Variants in PGAM1 observed in about 807,000 individuals in gnomAD.
PGAM1 encodes the protein BPG-dependent PGAM 1.
In PGAM1, 21 loss-of-function variants were observed where a neutral mutation model predicts 23.5. The ratio of observed to expected loss-of-function variants is 0.89; its 90% CI spans 0.63 to 1.29. The LOEUF is 1.29. PGAM1 is among the 50% of genes most tolerant of loss of function. PGAM1 has a pLI of 0.00. For missense variants in PGAM1, 232 were observed against 336.3 expected (o/e 0.69, Z 2.42); for synonymous variants, 109 against 128.6 (o/e 0.85, Z 1.03).
At chr10:97,427,502 G>A in intron 1 of PGAM1, 5 of 1,026,340 alleles carry the variant, frequency 4.9e-6, no homozygotes, top group Non-Finnish European at 5.9e-6. Context: ...TTGGAAAGAT[G>A]ACTTGTCCAA....
At position 97,432,535 on chromosome 10, in the gene PGAM1, G is replaced by A. The variant is rs1447947186; in HGVS notation, c.*11G>A. 3 of 1,553,888 alleles carry A rather than the reference G, an allele frequency of 1.9e-6. No homozygotes were observed. Among genetic ancestry groups the A allele is most frequent in the Non-Finnish European group, 2.7e-6 (3 of 1,130,278 alleles). On this transcript the variant is annotated 3_prime_UTR_variant, in exon 4 of 4. Transcript: ENST00000334828. ...AAGGCCAAGAAGTGAAGGCCGGCGG[G>A]GAGGATACTGTCCCCAGGAGCACCC...
intron 1 of PGAM1, among the ~76,000 whole-genome samples, chr10:97,429,729 T>C (rs1479825132): frequency 6.6e-6 from 1 of 152,142 alleles, no homozygotes. Flanking sequence ...TAAAATTTCA[T>C]ACAACAAACT....
At chr10:97,429,092 C>CCTTTTT (rs1491389285) in intron 1 of PGAM1, among the ~76,000 whole-genome samples, 3 of 84,754 alleles carry the variant, frequency 3.5e-5, no homozygotes, top group African/African-American at 1.7e-4. Context: ...AGACTGATTC[C>CCTTTTT]TTTTTTTTTT....
At position 97,433,305 on chromosome 10, in the gene PGAM1, G is replaced by GTCCAAGTGTATC. The variant is rs1358004719; in HGVS notation, c.*783_*794dup. ...TGGCAGTGAAATGCCTCTTGGTCCT[G>GTCCAAGTGTATC]TCCAAGTGTATCTTTCACTGATTTC... On this transcript the variant is annotated 3_prime_UTR_variant, in exon 4 of 4. Transcript: ENST00000334828. The GTCCAAGTGTATC allele has an allele frequency of 6.6e-6, 1 of 151,450 alleles. No individual in the cohort carries two copies. The highest frequency in any genetic ancestry group is 1.5e-5 in the Non-Finnish European group (1 of 67,822). The allele number at this position is 151,450 out of a possible 1,614,324, so 9.4% of individuals were successfully genotyped here. A position where few individuals can be genotyped will look rare whatever the true frequency, so the allele number is the denominator to read the frequency against.
intron 3 of PGAM1, among the ~76,000 whole-genome samples, chr10:97,431,713 T>G (rs1212757761): frequency 6.6e-6 from 1 of 152,066 alleles, no homozygotes; most frequent in Non-Finnish European, 1.5e-5. Context: ...AAGCAAGACC[T>G]TGTCTGTACA....
At chr10:97,429,394 G>A (rs759093889) in intron 1 of PGAM1, among the ~76,000 whole-genome samples, 21 of 152,114 alleles carry the variant, frequency 1.4e-4, no homozygotes, top group Admixed American at 7.9e-4. Flanking sequence ...GTGAGCCACC[G>A]TGCCGGGCCA....
At position 97,426,414 on chromosome 10, in the gene PGAM1, A is replaced by G; in HGVS notation, c.107A>G (p.Glu36Gly). ...GCCGACCTGAGCCCGGCGGGCCACG[A>G]GGAGGCGAAGCGCGGCGGGCAGGCG... is the stretch of plus-strand genomic sequence containing the variant. ...YDADLSPAGH[E>G]EAKRGGQALR... The change falls in exon 1 of 4, where the codon GAG (glutamate) becomes GGG (glycine). Residue 36 changes from glutamate to glycine, a missense_variant. Around this residue, in one of 3 missense-constraint regions of PGAM1, gnomAD observed 38 missense variants for 77.1 expected, o/e 0.49. Coordinates refer to ENST00000334828, the MANE Select transcript of PGAM1 (RefSeq NM_002629.4). 6.2e-7 allele frequency: 1 copy of G among 1,604,130 alleles called. No homozygotes were observed. Among genetic ancestry groups the G allele is most frequent in the Non-Finnish European group, 8.5e-7 (1 of 1,176,412 alleles).
chr10:97,430,043 C>CAAAAAAAAAAAAAA (rs71814636), intron 1 of PGAM1, among the ~76,000 whole-genome samples: 2 of 69,788 alleles, frequency 2.9e-5, no homozygotes, highest in Admixed American at 2.9e-4. Flanking sequence ...GACTCCGTCT[C>CAAAAAAAAAAAAAA]AAAAAAAAAA....
intron 1 of PGAM1, 108 bp downstream of exon 1, chr10:97,426,554 C>T (rs1378580428): frequency 7.4e-7 from 1 of 1,350,784 alleles, no homozygotes; most frequent in South Asian, 1.5e-5. Context: ...TGGGCAGCAT[C>T]TCTCTTAACA....
Position 97,430,503 on chromosome 10 carries a change from T to G in PGAM1, c.264T>G (p.Asn88Lys). The G allele has an allele frequency of 6.2e-7, 1 of 1,601,598 alleles. No individual in the cohort carries two copies. The highest frequency in any genetic ancestry group is 1.1e-5 in the South Asian group (1 of 91,016). ...WLPVVRTWRL[N>K]ERHYGGLTGL... Reference sequence around the variant, plus strand: ...CAGTGGTGAGGACTTGGCGCCTCAATGAGCGGCACTATGGGGGTCTAACCG... The same window carrying G: ...CAGTGGTGAGGACTTGGCGCCTCAAGGAGCGGCACTATGGGGGTCTAACCG... Residue 88 changes from asparagine (N) to lysine (K), a missense_variant, in exon 2 of 4, where the codon AAT (asparagine) becomes AAG (lysine). Coordinates refer to ENST00000334828, the MANE Select transcript of PGAM1 (RefSeq NM_002629.4).
In PGAM1 at chr10:97,426,224, G is replaced by C. The variant is rs1371965929; in HGVS notation, c.-84G>C. The C allele has an allele frequency of 2.4e-5, 38 of 1,597,608 alleles. No homozygotes were observed. The Middle Eastern group carries it at 6.7e-4, about 28-fold the overall frequency. On this transcript the variant is annotated 5_prime_UTR_variant, in exon 1 of 4. Coordinates refer to ENST00000334828, the MANE Select transcript of PGAM1 (RefSeq NM_002629.4). ...GCGCGGGAGCCGGACTGAGCGGTGC[G>C]AGCGCGCAGGCGCGGCCGACGGGGC...
chr10:97,429,403 C>A (rs1388090657), intron 1 of PGAM1, among the ~76,000 whole-genome samples: 1 of 152,174 alleles, frequency 6.6e-6, no homozygotes, highest in Non-Finnish European at 1.5e-5. Context: ...CGTGCCGGGC[C>A]AAGACTGATT....
chr10:97,432,265 A>G (rs1183750549), intron 3 of PGAM1, 90 bp from the exon 4 acceptor site: 32 of 1,556,954 alleles, frequency 2.1e-5, no homozygotes, highest in African/African-American at 1.4e-5. Context: ...AATTTCTGTC[A>G]AAGTCCTTTA....
At position 97,429,092 on chromosome 10, in the gene PGAM1, CTTTTTTTTTTT is replaced by C. The variant is rs888329236; in HGVS notation, c.140-1272_140-1262del. Among the ~76,000 whole-genome samples, 32 of 84,764 alleles carry C rather than the reference CTTTTTTTTTTT, an allele frequency of 3.8e-4. 1 individual carries two copies. The highest frequency in any genetic ancestry group is 5.5e-4 in the Non-Finnish European group (26 of 47,322). 55.6% of individuals were successfully genotyped at this position (84,764 alleles called of 152,430 possible). On this transcript the variant is annotated intron_variant, in intron 1 of 3. Transcript: ENST00000334828. Reference sequence around the variant, plus strand: ...GAAACAAAATCAATAAGACTGATTCCTTTTTTTTTTTTTTTTTTTTTTTTTGCGTGCGACAG... The same window carrying C: ...GAAACAAAATCAATAAGACTGATTCCTTTTTTTTTTTTTTGCGTGCGACAG...
At chr10:97,427,162 G>A (rs1031811594) in intron 1 of PGAM1, 6 of 406,152 alleles carry the variant, frequency 1.5e-5, no homozygotes, top group African/African-American at 8.7e-5. Flanking sequence ...CCTGGAGGAC[G>A]CCCTGTGCCT....
chr10:97,426,203 G>T lies in PGAM1; in HGVS notation c.-105G>T. 6.5e-7 allele frequency: 1 copy of T among 1,544,418 alleles called. No individual in the cohort carries two copies. Among genetic ancestry groups the T allele is most frequent in the Non-Finnish European group, 8.9e-7 (1 of 1,127,028 alleles). On this transcript the variant is annotated 5_prime_UTR_variant, in exon 1 of 4. Coordinates refer to ENST00000334828, the MANE Select transcript of PGAM1 (RefSeq NM_002629.4). The stretch of plus-strand genomic sequence containing the variant: ...GAAAGATTTGGGCGAGAACTTGCGC[G>T]GGAGCCGGACTGAGCGGTGCGAGCG...
At chr10:97,430,068 GAA>G (rs1007248950) in intron 1 of PGAM1, among the ~76,000 whole-genome samples, 30 of 147,646 alleles carry the variant, frequency 2.0e-4, no homozygotes, top group Non-Finnish European at 4.0e-4. Context: ...AAAAAGAAAA[GAA>G]AAAGTGACAG....
At chr10:97,430,725 T>C in intron 2 of PGAM1, 72 bp downstream of exon 2, 5 of 1,592,930 alleles carry the variant, frequency 3.1e-6, no homozygotes, top group Non-Finnish European at 4.3e-6. Flanking sequence ...CTAATCTCAC[T>C]GAACTTACAA....
chr10:97,430,604 C>T lies in PGAM1; in HGVS notation c.365C>T (p.Pro122Leu), dbSNP rs367909872. The T allele has an allele frequency of 5.6e-6, 9 of 1,602,132 alleles. No individual in the cohort carries two copies. The highest frequency in any genetic ancestry group is 5.9e-6 in the Non-Finnish European group (7 of 1,179,940). Residue 122 changes from proline to leucine, a missense_variant, in exon 2 of 4, where the codon CCA becomes CTA. By Grantham distance (98) the Pro-to-Leu change is moderately conservative. This residue lies in a region of PGAM1 where 191 missense variants were observed against 241.7 expected (regional missense o/e 0.79). Coordinates refer to ENST00000334828, the MANE Select transcript of PGAM1 (RefSeq NM_002629.4). Reference sequence around the variant, plus strand: ...ATCTGGAGGCGCTCCTATGATGTCCCACCACCTCCGATGGAGCCCGACCAT... The same window carrying T: ...ATCTGGAGGCGCTCCTATGATGTCCTACCACCTCCGATGGAGCCCGACCAT... ...VKIWRRSYDVPPPPMEPDHPF... is the reference protein window; with the variant it reads ...VKIWRRSYDVLPPPMEPDHPF...
Sources: allele counts gnomAD v4.1 joint callset (sites outside exome capture counted in the v4.1 genomes callset), GRCh38; gene constraint gnomAD v4.1.1; regional missense constraint gnomAD v4.1.1; transcripts MANE v1.5; gene names NCBI Gene and HGNC (gene_info 2026-07-23, HGNC 2026-07-21).